Variants in CYB5R4 observed in about 807,000 individuals in gnomAD.
CYB5R4 encodes the protein cytochrome b5 reductase 4.
A neutral mutation model predicts 70.2 loss-of-function variants in CYB5R4; 55 were observed. The ratio of observed to expected loss-of-function variants is 0.78; its 90% CI spans 0.63 to 0.98. CYB5R4 has a LOEUF of 0.98. CYB5R4 is among the 50% of genes least tolerant of loss of function. CYB5R4 has a pLI of 0.00. For synonymous variants in CYB5R4, 197 were observed against 199.5 expected, an observed-to-expected ratio of 0.99 and a Z score of 0.11; for missense variants, 562 against 612.6, an observed-to-expected ratio of 0.92 and a Z score of 0.87.
intron 2 of CYB5R4, among the ~76,000 whole-genome samples, chr6:83,883,311 AT>A (rs1355477607): frequency 1.3e-5 from 2 of 152,230 alleles, no homozygotes; most frequent in African/African-American, 4.8e-5. Context: ...GCAGAAAAAT[AT>A]TTGAAGAAAT....
chr6:83,867,789 G>A (rs923939929), intron 2 of CYB5R4, among the ~76,000 whole-genome samples: 13 of 152,224 alleles, frequency 8.5e-5, no homozygotes, highest in Non-Finnish European at 1.9e-4. Context: ...CGCACATTAT[G>A]TAACCATGTC....
In CYB5R4 at chr6:83,955,350, C is replaced by T. The variant is rs777384089; in HGVS notation, c.1399C>T (p.Gln467Ter). 8.1e-6 allele frequency: 13 copies of T among 1,613,820 alleles called. No individual in the cohort carries two copies. Among genetic ancestry groups the T allele is most frequent in the Non-Finnish European group, 1.1e-5 (13 of 1,179,848 alleles). ...ACCTATTTCTGAATGGAATGGCAAACAGGGACATATTTCACCAGCTCTTCT... is the reference window on the plus strand; with the variant it reads ...ACCTATTTCTGAATGGAATGGCAAATAGGGACATATTTCACCAGCTCTTCT... ...SAPISEWNGK[Q>*]GHISPALLSE... The change falls in exon 15 of 16, where the codon CAG (glutamine) becomes TAG (stop). Residue 467 changes from glutamine to a stop codon, truncating the protein, a stop_gained. Coordinates refer to ENST00000369681, the MANE Select transcript of CYB5R4 (RefSeq NM_016230.4). LOFTEE classifies it high-confidence loss of function.
chr6:83,875,100 C>A (rs1402385943), intron 2 of CYB5R4, among the ~76,000 whole-genome samples: 1 of 151,926 alleles, frequency 6.6e-6, no homozygotes, highest in African/African-American at 2.4e-5. Flanking sequence ...GGATTATAGG[C>A]GTGAGCCACT....
intron 2 of CYB5R4, among the ~76,000 whole-genome samples, chr6:83,881,479 A>G (rs9449715): frequency 0.15 from 23,478 of 152,210 alleles, 3,539 homozygotes; most frequent in African/African-American, 0.38. Context: ...ACCCAGCCTC[A>G]TACTGCTTCT....
chr6:83,888,772 G>A (rs543567812), intron 2 of CYB5R4, among the ~76,000 whole-genome samples: 1 of 152,308 alleles, frequency 6.6e-6, no homozygotes, highest in South Asian at 2.1e-4. Context: ...ATTAAGCTTA[G>A]TGAGGAAGGC....
chr6:83,889,994 G>A (rs1169781319), intron 2 of CYB5R4, among the ~76,000 whole-genome samples: 1 of 152,156 alleles, frequency 6.6e-6, no homozygotes, highest in Non-Finnish European at 1.5e-5. Context: ...CTCCAGCATT[G>A]AGGATTACAA....
At position 83,936,255 on chromosome 6, in the gene CYB5R4, A is replaced by G. The variant is rs2099468911; in HGVS notation, c.987A>G (p.Val329=). The G allele has an allele frequency of 1.9e-6, 3 of 1,605,068 alleles. No individual in the cohort carries two copies. The highest frequency in any genetic ancestry group is 2.2e-5 in the East Asian group (1 of 44,558). Residue 329 remains valine (V), a synonymous_variant, in exon 12 of 16, where the codon GTA becomes GTG. Coordinates refer to ENST00000369681, the MANE Select transcript of CYB5R4 (RefSeq NM_016230.4). ...AAATAGTAAAGCCATATACACCTGT[A>G]TCTGGTTCCTTACTCTCAGAGTTCA... ...GTEIVKPYTP[V]SGSLLSEFKE...
intron 1 of CYB5R4, among the ~76,000 whole-genome samples, chr6:83,860,527 T>A (rs2099455765): frequency 6.6e-6 from 1 of 152,248 alleles, no homozygotes; most frequent in African/African-American, 2.4e-5. Context: ...ACTGTACAGA[T>A]ATATTTTATA....
At chr6:83,934,769 T>C (rs1562843101) in intron 11 of CYB5R4, 34 bp downstream of exon 11, 13 of 1,582,872 alleles carry the variant, frequency 8.2e-6, no homozygotes, top group Non-Finnish European at 1.1e-5. Flanking sequence ...ACACAATTTA[T>C]TCTTTTATAA....
At chr6:83,869,533 A>AAAAGTGTCTTTTT (rs1423196622) in intron 2 of CYB5R4, among the ~76,000 whole-genome samples, 3 of 152,182 alleles carry the variant, frequency 2.0e-5, no homozygotes, top group Non-Finnish European at 4.4e-5. Flanking sequence ...TATACTGTAA[A>AAAAGTGTCTTTTT]AAAGTGTCTT....
intron 1 of CYB5R4, among the ~76,000 whole-genome samples, chr6:83,860,526 A>T (rs560187105): frequency 7.2e-5 from 11 of 152,248 alleles, no homozygotes; most frequent in African/African-American, 2.4e-4. Flanking sequence ...TACTGTACAG[A>T]TATATTTTAT....
At chr6:83,873,335 G>T (rs2099457965) in intron 2 of CYB5R4, among the ~76,000 whole-genome samples, 1 of 150,216 alleles carries the variant, frequency 6.7e-6, no homozygotes, top group Non-Finnish European at 1.5e-5. Context: ...CACCTCCTGG[G>T]TTCAAGTGAT....
chr6:83,936,402 C>T, intron 12 of CYB5R4, 26 bp downstream of exon 12: 1 of 1,597,424 alleles, frequency 6.3e-7, no homozygotes, highest in Non-Finnish European at 8.6e-7. Context: ...TTTTTTAAAC[C>T]TCATTTGTGC....
Position 83,911,739 on chromosome 6 carries a change from C to T in CYB5R4, c.412+2649C>T, listed in dbSNP as rs113719721. Among the ~76,000 whole-genome samples, 587 of 152,096 alleles carry T rather than the reference C, an allele frequency of 3.9e-3. 2 individuals carry two copies. The highest frequency in any genetic ancestry group is 0.013 in the African/African-American group (540 of 41,482). ...CCTGTATACCTCTTTTACAGCCACA[C>T]GCAATCTTAAAAAGAGCGTATCATC... On this transcript the variant is annotated intron_variant, in intron 4 of 15. Transcript: ENST00000369681.
At chr6:83,921,292 T>C (rs1445902826) in intron 8 of CYB5R4, 117 bp downstream of exon 8, 6 of 915,524 alleles carry the variant, frequency 6.6e-6, no homozygotes, top group East Asian at 7.1e-5. Context: ...TTTTGGTTTG[T>C]CATTTTTGAT....
rs540404365 is a variant in CYB5R4, at chr6:83,917,777, G to A, written c.446-228G>A. Among the ~76,000 whole-genome samples, 247 of 152,204 alleles carry A rather than the reference G, an allele frequency of 1.6e-3. 1 individual carries two copies. The highest frequency in any genetic ancestry group is 5.6e-3 in the African/African-American group (231 of 41,566). On this transcript the variant is annotated intron_variant, in intron 5 of 15. Transcript: ENST00000369681. ...CAGAATACATGTTACTCTTGAGGCA[G>A]GGGTGGTGATTGAAAAGGGGGCATG... is the stretch of plus-strand genomic sequence containing the variant.
At chr6:83,894,492 A>G (rs1341881848) in intron 3 of CYB5R4, among the ~76,000 whole-genome samples, 1 of 152,038 alleles carries the variant, frequency 6.6e-6, no homozygotes, top group South Asian at 2.1e-4. Context: ...TTTTTTGACC[A>G]TGTTGCCAGA....
rs2099473256 is a variant in CYB5R4, at chr6:83,961,025, A to G, written c.*1147A>G. The G allele has an allele frequency of 6.6e-6, 1 of 152,258 alleles. No homozygotes were observed. The highest frequency in any genetic ancestry group is 1.5e-5 in the Non-Finnish European group (1 of 68,052). 9.4% of individuals were successfully genotyped at this position (152,258 alleles called of 1,614,324 possible). A position where few individuals can be genotyped will look rare whatever the true frequency, so the allele number is the denominator to read the frequency against. On this transcript the variant is annotated 3_prime_UTR_variant, in exon 16 of 16. Transcript: ENST00000369681. Reference sequence around the variant, plus strand: ...TTTCACAGAAATAGGGGATTGAAAGAGTCTCCAATTTCTCTGTAAATGATT... The same window carrying G: ...TTTCACAGAAATAGGGGATTGAAAGGGTCTCCAATTTCTCTGTAAATGATT...
In CYB5R4 at chr6:83,923,907, TA is replaced by T. The variant is rs879334428; in HGVS notation, c.692-550del. ...AGTGAAACCCCATCTCTACTAAAAATAAAAAAAAAAAAATTAGCCGGGCGTG... is the reference window on the plus strand; with the variant it reads ...AGTGAAACCCCATCTCTACTAAAAATAAAAAAAAAAAATTAGCCGGGCGTG... On this transcript the variant is annotated intron_variant, in intron 9 of 15. Coordinates refer to ENST00000369681, the MANE Select transcript of CYB5R4 (RefSeq NM_016230.4). Among the ~76,000 whole-genome samples, 816 of 138,286 alleles carry T rather than the reference TA, an allele frequency of 5.9e-3. 3 individuals carry two copies. The highest frequency in any genetic ancestry group is 7.1e-3 in the Non-Finnish European group (447 of 63,238). 90.7% of individuals were successfully genotyped at this position (138,286 alleles called of 152,430 possible).
Sources: gnomAD v4.1 joint callset for allele counts (sites outside exome capture counted in the v4.1 genomes callset) on GRCh38, gnomAD v4.1.1 for gene constraint, MANE v1.5 for transcripts, NCBI Gene and HGNC (gene_info 2026-07-23, HGNC 2026-07-21) for gene names.